RALGDS: variants seen among roughly 807,000 people sequenced by gnomAD.
The protein encoded by RALGDS is ral guanine nucleotide dissociation stimulator.
RALGDS carries 44 observed loss-of-function variants against 99.8 expected under a neutral mutation model. The ratio of observed to expected loss-of-function variants is 0.44; its 90% CI spans 0.35 to 0.57. RALGDS has a LOEUF of 0.57. Among genes scored for constraint, RALGDS ranks in the 20% least tolerant of loss-of-function variants. RALGDS has a pLI of 0.01. For synonymous variants in RALGDS, 529 were observed against 505.0 expected (o/e 1.05, Z -0.64); for missense variants, 1,022 against 1,203.1 (o/e 0.85, Z 2.23).
chr9:133,111,821 C>T (rs900349443), intron 2 of RALGDS, among the ~76,000 whole-genome samples: 1 of 152,186 alleles, frequency 6.6e-6, no homozygotes, highest in Admixed American at 6.5e-5. Flanking sequence ...AGATGGTGTG[C>T]ACATCTGGGA....
upstream of RALGDS, among the ~76,000 whole-genome samples, chr9:133,132,242 T>C (rs895640530): frequency 3.9e-5 from 6 of 152,216 alleles, no homozygotes; most frequent in African/African-American, 1.4e-4. Flanking sequence ...AAGAGGTCAC[T>C]GTCTGGGTAC....
At chr9:133,121,344 G>A (rs539914991), upstream of RALGDS, 748 of 528,130 alleles carry the variant, frequency 1.4e-3, 6 homozygotes, top group African/African-American at 0.014. Flanking sequence ...CGAGGGACGC[G>A]TGCGTGCGCG....
Position 133,120,979 on chromosome 9 carries a change from C to G in RALGDS, c.176G>C (p.Arg59Pro). The G allele has an allele frequency of 6.7e-6, 10 of 1,484,572 alleles. No individual in the cohort carries two copies. Among genetic ancestry groups the G allele is most frequent in the African/African-American group, 1.5e-5 (1 of 68,524 alleles). 92.0% of individuals were successfully genotyped at this position (1,484,572 alleles called of 1,614,324 possible). Residue 59 changes from arginine (R) to proline (P), a missense_variant, in exon 1 of 18, where the codon CGC (arginine) becomes CCC (proline). Arg to Pro is a moderately radical substitution (Grantham distance 103, BLOSUM62 -2). Transcript: ENST00000372050. ...CCGCCCCAGCTCACCCACCTCCGGG[C>G]GCGGCAGGTCGGGGTCTAGCTGCGT... Reference protein sequence around the residue: ...SFTQLDPDLPRPESSTQEIGE... With the variant: ...SFTQLDPDLPPPESSTQEIGE...
At chr9:133,114,069 G>C (rs1255498166) in intron 1 of RALGDS, among the ~76,000 whole-genome samples, 2 of 152,218 alleles carry the variant, frequency 1.3e-5, no homozygotes, top group African/African-American at 4.8e-5. Context: ...GCTCCTCCGT[G>C]AGCTGGCAGG....
At chr9:133,101,018 C>A in intron 16 of RALGDS, 4 of 1,058,410 alleles carry the variant, frequency 3.8e-6, no homozygotes, top group African/African-American at 1.7e-5. Flanking sequence ...AAAGAGCCCC[C>A]AGGCAAACCC....
intron 1 of RALGDS, chr9:133,129,427 T>C: frequency 1.4e-6 from 2 of 1,411,556 alleles, no homozygotes; most frequent in Non-Finnish European, 1.8e-6. Flanking sequence ...CTGGGCCTGG[T>C]GTCACCCGCG....
At position 133,101,658 on chromosome 9, in the gene RALGDS, T is replaced by C; in HGVS notation, c.2316A>G (p.Thr772=). Residue 772 remains threonine, a synonymous_variant, in exon 16 of 18, where the codon ACA becomes ACG. Transcript: ENST00000372050. ...CTGAGACAGAGCGCTTGTGGGTGCGTGTGGCAGCCACGGGCGTGGTGGAGG... is the reference window on the plus strand; with the variant it reads ...CTGAGACAGAGCGCTTGTGGGTGCGCGTGGCAGCCACGGGCGTGGTGGAGG... ...SSASTTPVAA[T]RTHKRSVSGL... is the part of the protein sequence containing the mutation. 6.2e-7 allele frequency: 1 copy of C among 1,613,834 alleles called. No individual in the cohort carries two copies. Among genetic ancestry groups the C allele is most frequent in the Non-Finnish European group, 8.5e-7 (1 of 1,180,002 alleles).
rs139941904 is a variant in RALGDS, at chr9:133,102,653, G to C, written c.1914-82C>G. The stretch of plus-strand genomic sequence containing the variant: ...AGCACCTGCCCAGAAGCTGGAGTCG[G>C]GGTGCCCCGGCCATCCTCAGGCAAC... On this transcript the variant is annotated intron_variant, in intron 13 of 17. Transcript: ENST00000372050. 6,155 of 1,605,234 alleles carry C rather than the reference G, an allele frequency of 3.8e-3. 15 individuals carry two copies. The highest frequency in any genetic ancestry group is 9.7e-3 in the Admixed American group (582 of 59,820).
upstream of RALGDS, chr9:133,121,272 G>C: frequency 1.0e-6 from 1 of 984,336 alleles, no homozygotes; most frequent in Non-Finnish European, 1.2e-6. Context: ...GCTGATGTCA[G>C]GCTGGGGGGC....
intron 10 of RALGDS, 151 bp from the exon 11 acceptor site, chr9:133,103,984 C>T (rs1830892254): frequency 1.2e-6 from 1 of 867,136 alleles, no homozygotes; most frequent in Non-Finnish European, 1.9e-6. Context: ...TCCCTCTAGC[C>T]ATCTCCCTGG....
chr9:133,141,188 CCT>C (rs1832515128), intron 1 of RALGDS, among the ~76,000 whole-genome samples: 1 of 152,216 alleles, frequency 6.6e-6, no homozygotes, highest in African/African-American at 2.4e-5. Context: ...CACCAACAGT[CCT>C]ACCCTCACTG....
chr9:133,135,904 T>C (rs1832417155), upstream of RALGDS, among the ~76,000 whole-genome samples: 1 of 152,230 alleles, frequency 6.6e-6, no homozygotes, highest in Non-Finnish European at 1.5e-5. Context: ...GGCCAGCTGA[T>C]ACTTCTGTAA....
chr9:133,146,894 T>A (rs1209704872), intron 1 of RALGDS, among the ~76,000 whole-genome samples: 1 of 152,116 alleles, frequency 6.6e-6, no homozygotes, highest in African/African-American at 2.4e-5. Flanking sequence ...GCCAATAACA[T>A]GAGAATGGCC....
chr9:133,141,810 C>T (rs12342395), intron 1 of RALGDS, among the ~76,000 whole-genome samples: 47,442 of 152,188 alleles, frequency 0.31, 7,672 homozygotes, highest in Non-Finnish European at 0.36. Flanking sequence ...GAAACTGAGG[C>T]CAGCGAGAAG....
At chr9:133,105,902 A>G in intron 9 of RALGDS, 30 bp downstream of exon 9, 1 of 400,470 alleles carries the variant, frequency 2.5e-6, no homozygotes, top group Non-Finnish European at 4.1e-6. Context: ...CCCCCGCCCC[A>G]GCCCCCGCCC....
At position 133,101,478 on chromosome 9, in the gene RALGDS, C is replaced by T. The variant is rs200172832; in HGVS notation, c.2454+42G>A. 1.6e-4 allele frequency: 255 copies of T among 1,608,376 alleles called. No individual in the cohort carries two copies. The East Asian group carries it at 2.5e-3, about 16-fold the overall frequency. ...TGCACTGTGTTCAGGGTGCATTTGC[C>T]GCCAGTGGAGGGAGGCACCCAGGCC... On this transcript the variant is annotated intron_variant, in intron 16 of 17. Coordinates refer to ENST00000372050, the MANE Select transcript of RALGDS (RefSeq NM_006266.4).
rs891139353 is a variant in RALGDS at position 133,144,816 on chromosome 9, C to T, written c.18+4147G>A. Among the ~76,000 whole-genome samples the T allele has an allele frequency of 6.6e-6, 1 of 152,202 alleles. No homozygotes were observed. Among genetic ancestry groups the T allele is most frequent in the African/African-American group, 2.4e-5 (1 of 41,430 alleles). ...GAACTGTGTCCCTGAACAAAAAGAT[C>T]TCTGGTACCCGTGAATGAGATCTTA... On this transcript the variant is annotated intron_variant, in intron 1 of 17. Coordinates refer to the RALGDS transcript ENST00000393160. The surrounding 1 kb of genome is among the most constrained non-coding windows in gnomAD (Gnocchi z 4.5).
At chr9:133,136,780 C>CA (rs1011884363) in intron 1 of RALGDS, among the ~76,000 whole-genome samples, 1 of 151,098 alleles carries the variant, frequency 6.6e-6, no homozygotes, top group African/African-American at 2.4e-5. Context: ...CAAAAACAAA[C>CA]AAAAAAACTA....
In RALGDS at chr9:133,105,179, C is replaced by A. The variant is rs781433824; in HGVS notation, c.1602+753G>T. Among the ~76,000 whole-genome samples, 23 of 152,292 alleles carry A rather than the reference C, an allele frequency of 1.5e-4. No individual in the cohort carries two copies. The South Asian group carries it at 2.1e-3, about 14-fold the overall frequency. ...TCCCAGGAGCCCCCTGCGATGCTCC[C>A]CTGTAGGGAACTCTGTGTGTGTCCA... On this transcript the variant is annotated intron_variant, in intron 9 of 17. Transcript: ENST00000372050.
Sources: allele counts gnomAD v4.1 joint callset (sites outside exome capture counted in the v4.1 genomes callset), GRCh38; gene constraint gnomAD v4.1.1; non-coding constraint Gnocchi (gnomAD v3.1); transcripts MANE v1.5; gene names NCBI Gene and HGNC (gene_info 2026-07-23, HGNC 2026-07-21).